Variants in BCO1 observed in about 807,000 individuals in gnomAD.
BCO1 encodes the protein beta,beta-carotene 15,15'-dioxygenase.
Under a neutral mutation model 56.3 loss-of-function variants are expected in BCO1, and 54 were observed. That is an observed-to-expected ratio of 0.96 (90% confidence interval 0.77 to 1.20). BCO1 has a LOEUF of 1.20. Among genes scored for constraint, BCO1 ranks in the 50% most tolerant of loss-of-function variants. The probability of loss-of-function intolerance (pLI) is 0.00; values close to 1 mark genes in which losing one functional copy is unlikely to be tolerated. For missense variants in BCO1, 801 were observed against 690.9 expected, an observed-to-expected ratio of 1.16 and a Z score of -1.79; for synonymous variants, 318 against 266.1, an observed-to-expected ratio of 1.20 and a Z score of -1.90.
intron 2 of BCO1, among the ~76,000 whole-genome samples, chr16:81,249,097 T>C (rs1477963370): frequency 6.7e-6 from 1 of 148,754 alleles, no homozygotes; most frequent in African/African-American, 2.5e-5. Flanking sequence ...TCTTTCTTTT[T>C]TTTTTTTTTT....
rs1390670005 is a variant in BCO1, at chr16:81,286,994, G to A, written c.1303-301G>A. Among the ~76,000 whole-genome samples the A allele has an allele frequency of 2.0e-5, 3 of 152,140 alleles. No homozygotes were observed. The East Asian group carries it at 5.8e-4, about 29-fold the overall frequency. ...GGAGGCTGAGGCAGGAGAATCACTT[G>A]AACCCGGGAGGCCGAGGTTGCAGTG... On this transcript the variant is annotated intron_variant, in intron 9 of 10. Coordinates refer to ENST00000258168, the MANE Select transcript of BCO1 (RefSeq NM_017429.3).
chr16:81,278,331 C>A (rs1024916128), intron 7 of BCO1, among the ~76,000 whole-genome samples: 5 of 152,118 alleles, frequency 3.3e-5, no homozygotes, highest in African/African-American at 1.2e-4. Flanking sequence ...CATGAGCCCC[C>A]GCACTCAGCT....
intron 2 of BCO1, among the ~76,000 whole-genome samples, chr16:81,251,836 ACACACACACACACACG>A (rs1410874931): frequency 6.9e-6 from 1 of 144,520 alleles, no homozygotes; most frequent in East Asian, 2.0e-4. Flanking sequence ...ATATATACCC[ACACACACACACACACG>A]CACACACACA....
intron 2 of BCO1, among the ~76,000 whole-genome samples, chr16:81,254,406 C>T (rs1906002142): frequency 6.7e-6 from 1 of 149,702 alleles, no homozygotes. Flanking sequence ...CCATCTTGGC[C>T]TCCCAAAGTG....
chr16:81,239,230 T>A (rs1238207060), intron 1 of BCO1, among the ~76,000 whole-genome samples: 1 of 152,030 alleles, frequency 6.6e-6, no homozygotes, highest in Non-Finnish European at 1.5e-5. Context: ...TTGGCCAGGC[T>A]GGTCTCGAAC....
chr16:81,252,847 C>A (rs1201113690), intron 2 of BCO1, among the ~76,000 whole-genome samples: 1 of 152,128 alleles, frequency 6.6e-6, no homozygotes, highest in East Asian at 1.9e-4. Flanking sequence ...TGCGCAGGAC[C>A]CCTTACATTA....
chr16:81,267,723 T>G (rs1906916183), intron 5 of BCO1, among the ~76,000 whole-genome samples, 185 bp from the exon 6 acceptor site: 1 of 152,160 alleles, frequency 6.6e-6, no homozygotes, highest in African/African-American at 2.4e-5. Flanking sequence ...GGGTGGGTGC[T>G]GAGTGGAAGG....
intron 7 of BCO1, among the ~76,000 whole-genome samples, chr16:81,275,916 G>A (rs913073053): frequency 8.5e-5 from 13 of 152,178 alleles, no homozygotes; most frequent in African/African-American, 2.2e-4. Flanking sequence ...TAGCAGTGGC[G>A]GGGTGTGGCT....
At chr16:81,261,328 G>C (rs1906468606) in intron 3 of BCO1, among the ~76,000 whole-genome samples, 1 of 152,112 alleles carries the variant, frequency 6.6e-6, no homozygotes, top group Non-Finnish European at 1.5e-5. Flanking sequence ...TTCTTGCTTT[G>C]AGTATACCTT....
intron 2 of BCO1, among the ~76,000 whole-genome samples, chr16:81,249,515 C>G (rs531305076): frequency 6.6e-6 from 1 of 152,264 alleles, no homozygotes; most frequent in Admixed American, 6.5e-5. Context: ...CTCGGCCTCC[C>G]AAAATGCTGG....
chr16:81,260,064 G>T (rs77735950), intron 3 of BCO1, among the ~76,000 whole-genome samples: 5 of 152,106 alleles, frequency 3.3e-5, no homozygotes, highest in African/African-American at 7.2e-5. Context: ...TTATAAATGC[G>T]TATTCCCTTC....
chr16:81,290,670 T>G lies in BCO1; in HGVS notation c.*93T>G. The G allele has an allele frequency of 1.0e-6, 1 of 1,004,546 alleles. No homozygotes were observed. The highest frequency in any genetic ancestry group is 1.4e-5 in the South Asian group (1 of 70,490). 62.2% of individuals were successfully genotyped at this position (1,004,546 alleles called of 1,614,324 possible). On this transcript the variant is annotated 3_prime_UTR_variant, in exon 11 of 11. Transcript: ENST00000258168. ...TGGAGGGGAGGGCCTTTGTTACCTT[T>G]TGCACTTATTCTTTCTGTGGGTGCT...
intron 1 of BCO1, among the ~76,000 whole-genome samples, chr16:81,242,758 GACCAGT>G (rs1199568663): frequency 6.6e-6 from 1 of 152,002 alleles, no homozygotes; most frequent in Non-Finnish European, 1.5e-5. Context: ...TCGAGCCGTG[GACCAGT>G]ACCAGTCTGT....
chr16:81,246,410 C>CT (rs1352802832), intron 2 of BCO1, among the ~76,000 whole-genome samples: 2 of 152,140 alleles, frequency 1.3e-5, no homozygotes, highest in African/African-American at 4.8e-5. Flanking sequence ...ATTCAGCCAA[C>CT]CGCAAGCACA....
At chr16:81,258,567 C>G (rs1906289554) in intron 2 of BCO1, among the ~76,000 whole-genome samples, 1 of 152,194 alleles carries the variant, frequency 6.6e-6, no homozygotes, top group Non-Finnish European at 1.5e-5. Flanking sequence ...GATTAGTCCT[C>G]CAGCTCTGCT....
At chr16:81,274,305 C>T in intron 7 of BCO1, among the ~76,000 whole-genome samples, 1 of 148,668 alleles carries the variant, frequency 6.7e-6, no homozygotes, top group East Asian at 2.0e-4. Flanking sequence ...GCTCTGTCGC[C>T]CAGGCTGGAG....
intron 1 of BCO1, among the ~76,000 whole-genome samples, chr16:81,241,429 T>C (rs1208357152): frequency 2.0e-5 from 3 of 152,176 alleles, no homozygotes; most frequent in African/African-American, 7.2e-5. Context: ...TTAGAAAACA[T>C]GAATTCTAGA....
intron 10 of BCO1, 147 bp from the exon 11 acceptor site, chr16:81,290,201 C>G (rs912290945): frequency 3.9e-6 from 3 of 763,282 alleles, no homozygotes; most frequent in Admixed American, 2.1e-5. Context: ...CCAGGCCTTT[C>G]CCTTCTGTTA....
intron 10 of BCO1, among the ~76,000 whole-genome samples, chr16:81,289,857 C>T (rs1358652581): frequency 2.0e-5 from 3 of 151,980 alleles, no homozygotes; most frequent in Non-Finnish European, 4.4e-5. Flanking sequence ...CTGGTTTGTT[C>T]ATTCGTTTGT....
Sources: allele counts gnomAD v4.1 joint callset (sites outside exome capture counted in the v4.1 genomes callset), GRCh38; gene constraint gnomAD v4.1.1; transcripts MANE v1.5; gene names NCBI Gene and HGNC (gene_info 2026-07-23, HGNC 2026-07-21).